CCDC27: variants seen among roughly 807,000 people sequenced by gnomAD.
CCDC27 encodes coiled-coil domain containing 27, also known as coiled-coil domain-containing protein 27.
In CCDC27, 80 loss-of-function variants were observed where a neutral mutation model predicts 80.3. That is an observed-to-expected ratio of 1.00 (90% CI 0.83 to 1.20). The LOEUF is 1.20. Among genes scored for constraint, CCDC27 ranks in the 50% most tolerant of loss-of-function variants. CCDC27 has a pLI of 0.00. For missense variants in CCDC27, 815 were observed against 809.4 expected (o/e 1.01, Z -0.08); for synonymous variants, 342 against 334.3 (o/e 1.02, Z -0.25).
rs1411190776 is a variant in CCDC27, at chr1:3,752,607, A to G, written c.126A>G (p.Pro42=). ...RQQSSLGLCI[P]RLMLPKEASP... is the part of the protein sequence containing the mutation. ...AAAGCTCACTTGGTCTTTGCATCCC[A>G]CGCCTCATGTTACCTAAGGAGGCCA... The change falls in exon 1 of 12, where the codon CCA becomes CCG. Residue 42 remains proline (P), a synonymous_variant. Coordinates refer to ENST00000294600, the MANE Select transcript of CCDC27 (RefSeq NM_152492.3). 1.2e-6 allele frequency: 2 copies of G among 1,614,180 alleles called. No individual in the cohort carries two copies. The highest frequency in any genetic ancestry group is 2.2e-5 in the South Asian group (2 of 91,082).
At position 3,767,320 on chromosome 1, in the gene CCDC27, G is replaced by A; in HGVS notation, c.1618G>A (p.Val540Met). ...CAAGGTCAGCCAGCTGCAGGAGCAGGTGGAACTGGACCAGAACCACCTGCA... is the reference window on the plus strand; with the variant it reads ...CAAGGTCAGCCAGCTGCAGGAGCAGATGGAACTGGACCAGAACCACCTGCA... Reference protein sequence around the residue: ...DTKVSQLQEQVELDQNHLQRW... With the variant: ...DTKVSQLQEQMELDQNHLQRW... The change falls in exon 10 of 12, where the codon GTG becomes ATG. Residue 540 changes from valine to methionine, a missense_variant. By Grantham distance (21) the Val-to-Met change is conservative. Transcript: ENST00000294600. 1 of 1,614,034 alleles carries A rather than the reference G, an allele frequency of 6.2e-7. No homozygotes were observed. The highest frequency in any genetic ancestry group is 8.5e-7 in the Non-Finnish European group (1 of 1,180,000).
rs1211169472 is a variant in CCDC27 at position 3,769,255 on chromosome 1, G to A, written c.1744-528G>A. Among the ~76,000 whole-genome samples the A allele has an allele frequency of 6.6e-6, 1 of 152,120 alleles. No individual in the cohort carries two copies. Among genetic ancestry groups the A allele is most frequent in the African/African-American group, 2.4e-5 (1 of 41,424 alleles). On this transcript the variant is annotated intron_variant, in intron 10 of 11. Coordinates refer to ENST00000294600, the MANE Select transcript of CCDC27 (RefSeq NM_152492.3). The surrounding 1 kb of genome is among the most constrained non-coding windows in gnomAD (Gnocchi z 4.6). ...CTTCATGGCAGCAGAAGACGAGAAC[G>A]CCTTCTGGGTCTGTGCGCGGGGGCC...
chr1:3,752,647 C>A lies in CCDC27; in HGVS notation c.166C>A (p.His56Asn), dbSNP rs1205849892. The A allele has an allele frequency of 3.7e-6, 6 of 1,614,124 alleles. No individual in the cohort carries two copies. Among genetic ancestry groups the A allele is most frequent in the South Asian group, 3.3e-5 (3 of 91,082 alleles). Residue 56 changes from histidine to asparagine, a missense_variant, in exon 1 of 12, where the codon CAC becomes AAC. Coordinates refer to ENST00000294600, the MANE Select transcript of CCDC27 (RefSeq NM_152492.3). ...TAAGGAGGCCAGCCCATCTCAGAGG[C>A]ACAGTTCGATGTCCAGCTCGATGGC... ...LPKEASPSQR[H>N]SSMSSSMARA...
At chr1:3,754,944 G>T (rs935307022) in intron 2 of CCDC27, among the ~76,000 whole-genome samples, 3 of 152,086 alleles carry the variant, frequency 2.0e-5, no homozygotes, top group Admixed American at 6.5e-5. Context: ...GGCCCCCACT[G>T]CCTCAGCAAG....
Position 3,768,120 on chromosome 1 carries a change from G to C in CCDC27, c.1743+675G>C, listed in dbSNP as rs934267840. ...TTTTTTTTTTTTTTTTCTGAGACAG[G>C]GTCTTTCTCTGTCATCCAGTCTGGA... On this transcript the variant is annotated intron_variant, in intron 10 of 11. Coordinates refer to ENST00000294600, the MANE Select transcript of CCDC27 (RefSeq NM_152492.3). The surrounding 1 kb of genome is among the most constrained non-coding windows in gnomAD (Gnocchi z 5.6). 6.8e-6 allele frequency among the ~76,000 whole-genome samples: 1 copy of C among 147,612 alleles called. No homozygotes were observed. Among genetic ancestry groups the C allele is most frequent in the Non-Finnish European group, 1.5e-5 (1 of 67,082 alleles).
intron 5 of CCDC27, among the ~76,000 whole-genome samples, chr1:3,762,166 G>A (rs2124593945): frequency 6.6e-6 from 1 of 152,278 alleles, no homozygotes; most frequent in Admixed American, 6.5e-5. Context: ...AGGAACCAGG[G>A]GGAAGGCCCC....
chr1:3,757,883 C>T (rs1642995317), intron 4 of CCDC27, among the ~76,000 whole-genome samples: 1 of 149,112 alleles, frequency 6.7e-6, no homozygotes, highest in Non-Finnish European at 1.5e-5. Context: ...GATCGCGCCA[C>T]TGCACTCCAG....
chr1:3,770,885 A>T (rs1477337069), intron 11 of CCDC27, among the ~76,000 whole-genome samples: 1 of 152,194 alleles, frequency 6.6e-6, no homozygotes, highest in African/African-American at 2.4e-5. Context: ...GTAGCCAGGG[A>T]AGAGCACCTT....
At position 3,766,438 on chromosome 1, in the gene CCDC27, T is replaced by C. The variant is rs1643228537; in HGVS notation, c.1453-97T>C. On this transcript the variant is annotated intron_variant, in intron 8 of 11. Coordinates refer to ENST00000294600, the MANE Select transcript of CCDC27 (RefSeq NM_152492.3). This position sits in a 1 kb window ranked among gnomAD's most constrained non-coding sequence, Gnocchi z 6.1. ...AATAGAAATCCCGCTGCTATTATTT[T>C]AGGGAGCTTTGGGGAAGGAAAAAAG... 1 of 752,148 alleles carries C rather than the reference T, an allele frequency of 1.3e-6. No individual in the cohort carries two copies. The highest frequency in any genetic ancestry group is 2.3e-6 in the Non-Finnish European group (1 of 442,378). The allele number at this position is 752,148 out of a possible 1,614,324, so 46.6% of individuals were successfully genotyped here. A position where few individuals can be genotyped will look rare whatever the true frequency, so the allele number is the denominator to read the frequency against.
chr1:3,771,643 G>C lies in CCDC27; in HGVS notation c.*120G>C. 8.7e-7 allele frequency: 1 copy of C among 1,146,616 alleles called. No homozygotes were observed. Among genetic ancestry groups the C allele is most frequent in the Non-Finnish European group, 1.2e-6 (1 of 813,694 alleles). The allele number at this position is 1,146,616 out of a possible 1,614,324, so 71.0% of individuals were successfully genotyped here. A position where few individuals can be genotyped will look rare whatever the true frequency, so the allele number is the denominator to read the frequency against. ...AGAATTAAACCCCGGTGTTGGCACT[G>C]TCCCACCTTTTTCTTCTCTGGGATC... On this transcript the variant is annotated 3_prime_UTR_variant, in exon 12 of 12. Coordinates refer to ENST00000294600, the MANE Select transcript of CCDC27 (RefSeq NM_152492.3).
rs186034541 is a variant in CCDC27 at position 3,760,150 on chromosome 1, G to T, written c.712-1131G>T. On this transcript the variant is annotated intron_variant, in intron 4 of 11. Transcript: ENST00000294600. This position sits in a 1 kb window ranked among gnomAD's most constrained non-coding sequence, Gnocchi z 4.3. ...AGCAGTCCTTGCACTATTTTGAGAC[G>T]TGCAAGTGTCTCGGGACCATGGCTT... 6.6e-6 allele frequency among the ~76,000 whole-genome samples: 1 copy of T among 152,184 alleles called. No homozygotes were observed. The highest frequency in any genetic ancestry group is 1.5e-5 in the Non-Finnish European group (1 of 68,044).
rs374880789 is a variant in CCDC27, at chr1:3,766,629, C to A, written c.1530+17C>A. The A allele has an allele frequency of 4.4e-6, 7 of 1,600,820 alleles. No individual in the cohort carries two copies. Among genetic ancestry groups the A allele is most frequent in the Non-Finnish European group, 5.1e-6 (6 of 1,168,746 alleles). On this transcript the variant is annotated intron_variant, in intron 9 of 11. Transcript: ENST00000294600. This position sits in a 1 kb window ranked among gnomAD's most constrained non-coding sequence, Gnocchi z 6.1. ...CTCCGACAGGTGACAGCCTGGGTGT[C>A]GTTAAATGATCAGCCAGGCCACTGT...
In CCDC27 at chr1:3,763,831, G is replaced by C. The variant is rs781272963; in HGVS notation, c.1447G>C (p.Asp483His). 1.2e-6 allele frequency: 2 copies of C among 1,613,744 alleles called. No individual in the cohort carries two copies. The highest frequency in any genetic ancestry group is 1.7e-5 in the Admixed American group (1 of 59,996). Residue 483 changes from aspartate to histidine, a missense_variant, in exon 8 of 12, where the codon GAC becomes CAC. Asp to His is a moderately conservative substitution (Grantham distance 81, BLOSUM62 -1). Transcript: ENST00000294600. The surrounding 1 kb of genome is among the most constrained non-coding windows in gnomAD (Gnocchi z 7.5). ...ERRQQLQAMT[D>H]KFSNLREDKK... ...GAGGCAGCAGCTACAAGCCATGACC[G>C]ACAAGGTGGCCGTGCGCTCAGTACC...
At chr1:3,767,892 A>G (rs901306662) in intron 10 of CCDC27, among the ~76,000 whole-genome samples, 5 of 152,182 alleles carry the variant, frequency 3.3e-5, no homozygotes, top group Admixed American at 2.6e-4. Context: ...AGTAGTTATC[A>G]TGATCCTCAC....
At chr1:3,755,620 G>A in intron 3 of CCDC27, 53 bp downstream of exon 3, 1 of 1,447,930 alleles carries the variant, frequency 6.9e-7, no homozygotes, top group Middle Eastern at 1.8e-4. Context: ...CTGAGCTCGA[G>A]GCCTGCTTCT....
chr1:3,754,341 A>G, intron 2 of CCDC27, 100 bp downstream of exon 2: 3 of 1,415,176 alleles, frequency 2.1e-6, no homozygotes, highest in Non-Finnish European at 2.8e-6. Flanking sequence ...CAGCCGCCAG[A>G]GTTGGCCTCC....
chr1:3,759,826 G>A (rs978358570), intron 4 of CCDC27, among the ~76,000 whole-genome samples: 6 of 152,200 alleles, frequency 3.9e-5, no homozygotes, highest in African/African-American at 1.2e-4. Flanking sequence ...TGAGAAATAG[G>A]CTGAGCATAT....
Position 3,761,663 on chromosome 1 carries a change from A to G in CCDC27, c.861+233A>G, listed in dbSNP as rs1570709718. On this transcript the variant is annotated intron_variant, in intron 5 of 11. Coordinates refer to ENST00000294600, the MANE Select transcript of CCDC27 (RefSeq NM_152492.3). The surrounding 1 kb of genome is among the most constrained non-coding windows in gnomAD (Gnocchi z 5.0). ...CATGAGCTGATGCAACAGGGGGGGG[A>G]GAGATGAATGGAGGCGCAAAATGAC... Among the ~76,000 whole-genome samples, 3 of 150,462 alleles carry G rather than the reference A, an allele frequency of 2.0e-5. No individual in the cohort carries two copies. The East Asian group carries it at 5.9e-4, about 29-fold the overall frequency.
chr1:3,757,921 CAAAAAAA>C (rs779579669), intron 4 of CCDC27, among the ~76,000 whole-genome samples: 1 of 68,116 alleles, frequency 1.5e-5, no homozygotes, highest in South Asian at 4.9e-4. Context: ...GACTCCATCT[CAAAAAAA>C]AAAAAAAAAA....
Sources: gnomAD v4.1 joint callset for allele counts (sites outside exome capture counted in the v4.1 genomes callset) on GRCh38, gnomAD v4.1.1 for gene constraint, Gnocchi (gnomAD v3.1) non-coding constraint, MANE v1.5 for transcripts, NCBI Gene and HGNC (gene_info 2026-07-23, HGNC 2026-07-21) for gene names.